The following SETX variants were observed in gnomAD, a reference collection of about 807,000 sequenced individuals.
SETX encodes the protein helicase senataxin.
A neutral mutation model predicts 227.2 loss-of-function variants in SETX; 90 were observed. That is an observed-to-expected ratio of 0.40 (90% CI 0.33 to 0.47). The LOEUF (loss-of-function observed/expected upper bound fraction) is 0.47. Among genes scored for constraint, SETX ranks in the 20% least tolerant of loss-of-function variants. The probability of loss-of-function intolerance (pLI) is 0.91; values close to 1 mark genes in which losing one functional copy is unlikely to be tolerated. For synonymous variants in SETX, 1,210 were observed against 1,113.2 expected (o/e 1.09, Z -1.73); for missense variants, 3,052 against 3,181.5 (o/e 0.96, Z 0.98).
In SETX at chr9:132,346,383, A is replaced by G. The variant is rs750309909; in HGVS notation, c.266T>C (p.Ile89Thr). Residue 89 changes from isoleucine to threonine, a missense_variant, in exon 4 of 26, where the codon ATA becomes ACA. By Grantham distance (89) the Ile-to-Thr change is moderately conservative (BLOSUM62 -1). Around this residue, in one of 10 missense-constraint regions of SETX, gnomAD observed 152 missense variants for 156.2 expected, o/e 0.97. Transcript: ENST00000224140. ...AEIGDDDELYIVDNNGEMPLF... is the reference protein window; with the variant it reads ...AEIGDDDELYTVDNNGEMPLF... ...TGGCATCTCTCCATTATTGTCTACT[A>G]TATATAACTCATCATCATCTCCAAT... The G allele has an allele frequency of 3.1e-6, 5 of 1,613,644 alleles. No homozygotes were observed. Among genetic ancestry groups the G allele is most frequent in the South Asian group, 1.1e-5 (1 of 91,080 alleles).
In SETX at chr9:132,263,796, C is replaced by T. The variant is rs1842494369; in HGVS notation, c.*443G>A. 5.4e-6 allele frequency: 1 copy of T among 186,606 alleles called. No homozygotes were observed. The highest frequency in any genetic ancestry group is 5.5e-5 in the Admixed American group (1 of 18,260). 11.6% of individuals were successfully genotyped at this position (186,606 alleles called of 1,614,324 possible). On this transcript the variant is annotated 3_prime_UTR_variant, in exon 26 of 26. Coordinates refer to ENST00000224140, the MANE Select transcript of SETX (RefSeq NM_015046.7). ...CTCTAACAATGGTTGAAAGGACCCG[C>T]CCTCCTCCCATCTTTTTTTTTTTGG...
intron 10 of SETX, among the ~76,000 whole-genome samples, chr9:132,325,526 C>A (rs1214267588): frequency 6.6e-6 from 1 of 152,200 alleles, no homozygotes; most frequent in African/African-American, 2.4e-5. Context: ...GGGAAACTAT[C>A]TCCTCTGAGA....
At chr9:132,285,477 T>C (rs1219046785) in intron 18 of SETX, among the ~76,000 whole-genome samples, 2 of 152,048 alleles carry the variant, frequency 1.3e-5, no homozygotes, top group Non-Finnish European at 2.9e-5. Flanking sequence ...CCAGGCATGG[T>C]GGCTCACGCC....
chr9:132,275,278 C>T lies in SETX; in HGVS notation c.7078G>A (p.Asp2360Asn), dbSNP rs1196957724. 1.9e-6 allele frequency: 3 copies of T among 1,614,118 alleles called. No homozygotes were observed. Among genetic ancestry groups the T allele is most frequent in the Middle Eastern group, 1.6e-4 (1 of 6,062 alleles). Reference protein sequence around the residue: ...AQKTMIQKDLDKEFDRKGPAE... With the variant: ...AQKTMIQKDLNKEFDRKGPAE... ...CACCCTTTTCTATCGAACTCTTTGT[C>T]CAAATCCTTCTGAATCATCGTCTTC... The change falls in exon 23 of 26, where the codon GAC becomes AAC. Residue 2360 changes from aspartate to asparagine, a missense_variant. Transcript: ENST00000224140.
At chr9:132,277,291 G>A (rs1227445113) in intron 21 of SETX, 139 bp from the exon 22 acceptor site, 9 of 726,876 alleles carry the variant, frequency 1.2e-5, no homozygotes, top group African/African-American at 5.3e-5. Context: ...TTTTCTAGAC[G>A]TGTATTAGTG....
chr9:132,264,021 G>A lies in SETX; in HGVS notation c.*218C>T, dbSNP rs1429075544. On this transcript the variant is annotated 3_prime_UTR_variant, in exon 26 of 26. Transcript: ENST00000224140. ...CAACATTTCCAGTCTCTGACTTCAA[G>A]GACATTATTACGGATACACAATGCC... The A allele has an allele frequency of 3.3e-6, 2 of 610,330 alleles. No individual in the cohort carries two copies. The highest frequency in any genetic ancestry group is 3.7e-5 in the African/African-American group (2 of 54,062). The allele number at this position is 610,330 out of a possible 1,614,324, so 37.8% of individuals were successfully genotyped here. A position where few individuals can be genotyped will look rare whatever the true frequency, so the allele number is the denominator to read the frequency against.
intron 3 of SETX, among the ~76,000 whole-genome samples, chr9:132,347,352 G>A (rs1008125458): frequency 1.3e-5 from 2 of 151,248 alleles, no homozygotes; most frequent in Admixed American, 6.6e-5. Flanking sequence ...TCTCGCTGTC[G>A]CCCAGGCTGG....
chr9:132,345,554 G>A lies in SETX; in HGVS notation c.388+707C>T, dbSNP rs142193266. Reference sequence around the variant, plus strand: ...CTCCCAAAATGATGGGATTACAGGCGTGAGCCACCATGCCCGGCGAGAATG... The same window carrying A: ...CTCCCAAAATGATGGGATTACAGGCATGAGCCACCATGCCCGGCGAGAATG... On this transcript the variant is annotated intron_variant, in intron 4 of 25. Transcript: ENST00000224140. Among the ~76,000 whole-genome samples, 65 of 152,300 alleles carry A rather than the reference G, an allele frequency of 4.3e-4. 1 individual carries two copies. The East Asian group carries it at 9.8e-3, about 23-fold the overall frequency.
At chr9:132,295,540 C>A (rs1304276663) in intron 15 of SETX, among the ~76,000 whole-genome samples, 1 of 152,206 alleles carries the variant, frequency 6.6e-6, no homozygotes, top group Non-Finnish European at 1.5e-5. Flanking sequence ...CCTTCTCTAA[C>A]CCTCACACAA....
intron 2 of SETX, among the ~76,000 whole-genome samples, chr9:132,352,553 C>T (rs1848656934): frequency 6.6e-6 from 1 of 152,144 alleles, no homozygotes; most frequent in South Asian, 2.1e-4. Context: ...GAGATCAAGA[C>T]CATCCTGGCC....
rs765910261 is a variant in SETX at position 132,278,060 on chromosome 9, G to T, written c.6842+10C>A. 2.5e-6 allele frequency: 4 copies of T among 1,610,964 alleles called. No homozygotes were observed. In the African/African-American group the frequency reaches 5.3e-5, roughly 22 times the overall value. ...ACAAAATAAGGTCACAAACAATAAG[G>T]GGAACTCACCTATTTGTTTTTAAGT... On this transcript the variant is annotated intron_variant, in intron 21 of 25. Coordinates refer to ENST00000224140, the MANE Select transcript of SETX (RefSeq NM_015046.7).
In SETX at chr9:132,280,773, C is replaced by T. The variant is rs546918150; in HGVS notation, c.6654+694G>A. Among the ~76,000 whole-genome samples the T allele has an allele frequency of 7.2e-4, 110 of 152,234 alleles. No individual in the cohort carries two copies. In the South Asian group the frequency reaches 7.9e-3, roughly 11 times the overall value. ...TAAATTTCAAAACCTCTTCAGATTA[C>T]TTCAAAACATCTACTGGATCCTGAT... On this transcript the variant is annotated intron_variant, in intron 20 of 25. Transcript: ENST00000224140.
rs1459735850 is a variant in SETX, at chr9:132,264,587, G to A, written c.7686C>T (p.Ser2562=). ...GAGGTGTTGCTCCAGGATGCTGGGG[G>A]CTCGAGGGTTGTGGATCCCAAAGGA... ...GIFLWDPQPS[S]PQHPGATPPT... The change falls in exon 26 of 26, where the codon AGC becomes AGT. Residue 2562 remains serine, a synonymous_variant. Coordinates refer to ENST00000224140, the MANE Select transcript of SETX (RefSeq NM_015046.7). 2 of 1,614,072 alleles carry A rather than the reference G, an allele frequency of 1.2e-6. No homozygotes were observed. Among genetic ancestry groups the A allele is most frequent in the Admixed American group, 3.3e-5 (2 of 60,002 alleles).
intron 5 of SETX, among the ~76,000 whole-genome samples, chr9:132,337,796 G>A (rs900712869): frequency 3.3e-5 from 5 of 152,152 alleles, no homozygotes; most frequent in African/African-American, 1.2e-4. Flanking sequence ...CCATAGTTCA[G>A]GCAAGACACA....
At chr9:132,292,430 A>AAAAAAAAG (rs1564496923) in intron 15 of SETX, among the ~76,000 whole-genome samples, 6 of 149,132 alleles carry the variant, frequency 4.0e-5, no homozygotes, top group African/African-American at 7.4e-5. Flanking sequence ...AAAAAAAAAA[A>AAAAAAAAG]AAAAAAAGAA....
Position 132,329,777 on chromosome 9 carries a change from A to G in SETX, c.1821T>C (p.Asp607=). The change falls in exon 10 of 26, where the codon GAT becomes GAC. Residue 607 remains aspartate, a synonymous_variant. Coordinates refer to ENST00000224140, the MANE Select transcript of SETX (RefSeq NM_015046.7). ...GAGAGATTTTACATGCAGAAGTCAGATCCACAAAAGTGTTACATGGAGGTG... is the reference window on the plus strand; with the variant it reads ...GAGAGATTTTACATGCAGAAGTCAGGTCCACAAAAGTGTTACATGGAGGTG... ...FKAPPCNTFV[D]LTSACKISPA... 1 of 1,614,112 alleles carries G rather than the reference A, an allele frequency of 6.2e-7. No individual in the cohort carries two copies. The highest frequency in any genetic ancestry group is 8.5e-7 in the Non-Finnish European group (1 of 1,179,996).
chr9:132,336,754 C>T (rs1477225467), intron 5 of SETX, among the ~76,000 whole-genome samples: 5 of 152,182 alleles, frequency 3.3e-5, no homozygotes. Flanking sequence ...AGTAATTATT[C>T]TTTTAGATGC....
chr9:132,292,624 C>CT (rs1491344966), intron 15 of SETX, among the ~76,000 whole-genome samples: 2 of 142,192 alleles, frequency 1.4e-5, no homozygotes, highest in Admixed American at 1.4e-4. Context: ...GTTCCCAACT[C>CT]ATTTTTTTTT....
At chr9:132,309,443 T>G (rs1443177405) in intron 11 of SETX, among the ~76,000 whole-genome samples, 1 of 151,980 alleles carries the variant, frequency 6.6e-6, no homozygotes, top group Non-Finnish European at 1.5e-5. Flanking sequence ...ACAAGAAAGC[T>G]TCTAGAAAAG....
Sources: gnomAD v4.1 joint callset for allele counts (sites outside exome capture counted in the v4.1 genomes callset) on GRCh38, gnomAD v4.1.1 for gene constraint, gnomAD v4.1.1 regional missense constraint, MANE v1.5 for transcripts, NCBI Gene and HGNC (gene_info 2026-07-23, HGNC 2026-07-21) for gene names.